The following P2RY14 variants were observed in gnomAD, a reference collection of about 807,000 sequenced individuals.
P2RY14 encodes purinergic receptor P2Y14, also known as P2Y purinoceptor 14.
Under a neutral mutation model 0.9 loss-of-function variants are expected in P2RY14, and 2 were observed. That is an observed-to-expected ratio of 2.16 (90% confidence interval 0.88 to 6.79). The LOEUF (loss-of-function observed/expected upper bound fraction) is 6.79. P2RY14 is among the 30% of genes most tolerant of loss of function. The pLI is 0.05. For missense variants in P2RY14, 378 were observed against 400.1 expected (o/e 0.94, Z 0.47); for synonymous variants, 158 against 147.2 (o/e 1.07, Z -0.53).
chr3:151,221,440 A>G (rs1458717749), intron 1 of P2RY14, among the ~76,000 whole-genome samples: 1 of 152,226 alleles, frequency 6.6e-6, no homozygotes, highest in Non-Finnish European at 1.5e-5. Context: ...CTGCAAGCCC[A>G]TCACATCGCA....
At chr3:151,272,681 G>A (rs888093954) in intron 1 of P2RY14, among the ~76,000 whole-genome samples, 3 of 152,204 alleles carry the variant, frequency 2.0e-5, no homozygotes, top group African/African-American at 7.2e-5. Context: ...GTGGGTAGAG[G>A]TTGACAGATG....
At chr3:151,255,514 T>C (rs1184570470) in intron 1 of P2RY14, among the ~76,000 whole-genome samples, 2 of 152,068 alleles carry the variant, frequency 1.3e-5, no homozygotes, top group Non-Finnish European at 2.9e-5. Flanking sequence ...GGTTCTGCCA[T>C]GGCTGGGGAG....
intron 1 of P2RY14, among the ~76,000 whole-genome samples, chr3:151,226,366 G>T (rs1730494533): frequency 1.3e-5 from 2 of 152,170 alleles, no homozygotes; most frequent in African/African-American, 2.4e-5. Flanking sequence ...TAACATGATG[G>T]AATCTTGCCA....
Position 151,213,192 on chromosome 3 carries a change from G to A in P2RY14, c.*108C>T. The A allele has an allele frequency of 1.2e-6, 1 of 844,362 alleles. No individual in the cohort carries two copies. Among genetic ancestry groups the A allele is most frequent in the East Asian group, 2.5e-5 (1 of 40,188 alleles). 52.3% of individuals were successfully genotyped at this position (844,362 alleles called of 1,614,324 possible). A position where few individuals can be genotyped will look rare whatever the true frequency, so the allele number is the denominator to read the frequency against. On this transcript the variant is annotated 3_prime_UTR_variant, in exon 3 of 3. Transcript: ENST00000309170. Reference sequence around the variant, plus strand: ...TTTTATTGAACTAAATTGGATGGCAGTGCTAGAGATGATATTTATGATGAG... The same window carrying A: ...TTTTATTGAACTAAATTGGATGGCAATGCTAGAGATGATATTTATGATGAG...
intron 1 of P2RY14, among the ~76,000 whole-genome samples, chr3:151,226,783 A>G (rs1376791855): frequency 6.6e-6 from 1 of 152,170 alleles, no homozygotes; most frequent in Admixed American, 6.5e-5. Context: ...CCAGTTTCTA[A>G]AAGTATTTAA....
At chr3:151,264,500 G>T (rs1243317426) in intron 1 of P2RY14, among the ~76,000 whole-genome samples, 1 of 152,250 alleles carries the variant, frequency 6.6e-6, no homozygotes, top group Admixed American at 6.5e-5. Flanking sequence ...GTTTATGATT[G>T]TGTAAAGCGC....
chr3:151,230,305 T>C (rs557240633), intron 1 of P2RY14, among the ~76,000 whole-genome samples: 1 of 152,360 alleles, frequency 6.6e-6, no homozygotes, highest in African/African-American at 2.4e-5. Flanking sequence ...GTGTCTGTTT[T>C]AGAACATTCC....
chr3:151,257,353 T>A (rs908212554), intron 1 of P2RY14, among the ~76,000 whole-genome samples: 2 of 152,238 alleles, frequency 1.3e-5, no homozygotes, highest in Admixed American at 1.3e-4. Flanking sequence ...TCCTGTTTTT[T>A]TAAATTGTTT....
intron 2 of P2RY14, among the ~76,000 whole-genome samples, chr3:151,217,734 A>C (rs1374360685): frequency 6.6e-6 from 1 of 152,210 alleles, no homozygotes; most frequent in African/African-American, 2.4e-5. Flanking sequence ...CAAGCTAAAG[A>C]GAAATTCCAA....
At chr3:151,271,863 G>A (rs1352665078) in intron 1 of P2RY14, among the ~76,000 whole-genome samples, 3 of 152,178 alleles carry the variant, frequency 2.0e-5, no homozygotes. Flanking sequence ...AGATGGCTGT[G>A]CCTAGAAAAG....
rs1413594368 is a variant in P2RY14 at position 151,213,387 on chromosome 3, C to T, written c.930G>A (p.Leu310=). Residue 310 remains leucine (L), a synonymous_variant, in exon 3 of 3, where the codon TTG becomes TTA. Transcript: ENST00000309170. ...QPFREILCKK[L]HIPLKAQNDL... ...CATTCTGAGCTTTTAATGGAATGTG[C>T]AATTTCTTACATAAGATTTCCCTAA... 4 of 1,613,824 alleles carry T rather than the reference C, an allele frequency of 2.5e-6. No homozygotes were observed. Among genetic ancestry groups the T allele is most frequent in the Non-Finnish European group, 3.4e-6 (4 of 1,179,774 alleles).
chr3:151,244,244 A>G (rs989103474), intron 1 of P2RY14, among the ~76,000 whole-genome samples: 1 of 133,816 alleles, frequency 7.5e-6, no homozygotes, highest in African/African-American at 2.6e-5. Flanking sequence ...CAGGAATTGA[A>G]CTCAGCTCTG....
chr3:151,256,267 C>G (rs1333225739), intron 1 of P2RY14, among the ~76,000 whole-genome samples: 4 of 152,084 alleles, frequency 2.6e-5, no homozygotes, highest in Non-Finnish European at 4.4e-5. Flanking sequence ...TATGCAGTAC[C>G]CTGGTAAACT....
intron 1 of P2RY14, among the ~76,000 whole-genome samples, chr3:151,267,146 A>C (rs1026224541): frequency 6.6e-6 from 1 of 152,228 alleles, no homozygotes. Flanking sequence ...GACTGTTTAC[A>C]GGAACTATCA....
chr3:151,255,568 AAC>A lies in P2RY14; in HGVS notation c.-133+22717_-133+22718del, dbSNP rs1180305557. On this transcript the variant is annotated intron_variant, in intron 1 of 2. Transcript: ENST00000309170. ...GGGCCTTTTCAGACATCTCTAACTG[AAC>A]ACACGCGATTTTTCCTGCAGCTTCC... Among the ~76,000 whole-genome samples the A allele has an allele frequency of 5.9e-5, 9 of 152,232 alleles. No homozygotes were observed. In the South Asian group the frequency reaches 1.5e-3, roughly 25 times the overall value.
chr3:151,215,713 C>G (rs1185202249), intron 2 of P2RY14, among the ~76,000 whole-genome samples: 1 of 152,150 alleles, frequency 6.6e-6, no homozygotes, highest in Non-Finnish European at 1.5e-5. Context: ...TGAACAGTAC[C>G]AATTATCCTG....
intron 2 of P2RY14, among the ~76,000 whole-genome samples, chr3:151,219,118 G>A (rs937919934): frequency 1.3e-5 from 2 of 152,174 alleles, no homozygotes; most frequent in Non-Finnish European, 2.9e-5. Flanking sequence ...GGAGCATTGT[G>A]TAGAAAGAAT....
intron 1 of P2RY14, among the ~76,000 whole-genome samples, chr3:151,271,100 G>A (rs990386144): frequency 3.3e-5 from 5 of 151,696 alleles, no homozygotes; most frequent in Admixed American, 6.6e-5. Flanking sequence ...CATAGATTGG[G>A]GAGTAAATAT....
At chr3:151,222,065 T>A (rs906657169) in intron 1 of P2RY14, among the ~76,000 whole-genome samples, 2 of 152,126 alleles carry the variant, frequency 1.3e-5, no homozygotes, top group African/African-American at 4.8e-5. Context: ...GTTTGGGAAG[T>A]TTACGATTTG....
Sources: allele counts gnomAD v4.1 joint callset (sites outside exome capture counted in the v4.1 genomes callset), GRCh38; gene constraint gnomAD v4.1.1; transcripts MANE v1.5; gene names NCBI Gene and HGNC (gene_info 2026-07-23, HGNC 2026-07-21).